The following LMNA variants were observed in gnomAD, a reference collection of about 807,000 sequenced individuals.
LMNA encodes the protein lamin A/C, also known as lamin.
LMNA carries 20 observed loss-of-function variants against 70.4 expected under a neutral mutation model. The ratio of observed to expected loss-of-function variants is 0.28; its 90% CI spans 0.20 to 0.41. The LOEUF (loss-of-function observed/expected upper bound fraction) is 0.41, where lower values mean the gene tolerates loss of function less well. Among genes scored for constraint, LMNA ranks in the 10% least tolerant of loss-of-function variants. The probability of loss-of-function intolerance (pLI) is 1.00; values close to 1 mark genes in which losing one functional copy is unlikely to be tolerated. For synonymous variants in LMNA, 339 were observed against 372.8 expected (o/e 0.91, Z 1.04); for missense variants, 652 against 917.2 (o/e 0.71, Z 3.73).
In LMNA at chr1:156,137,935, C is replaced by T; in HGVS notation, c.1698+192C>T. On this transcript the variant is annotated intron_variant, in intron 10 of 11. Transcript: ENST00000368300. This position sits in a 1 kb window ranked among gnomAD's most constrained non-coding sequence, Gnocchi z 4.6. ...ACAGGGAACCCAGGTGTCTGGGTGC[C>T]CTACTCTGGTAAGGAAGGGAGTGGG... The T allele has an allele frequency of 8.0e-7, 1 of 1,244,492 alleles. No individual in the cohort carries two copies. Among genetic ancestry groups the T allele is most frequent in the Non-Finnish European group, 1.1e-6 (1 of 914,996 alleles). 77.1% of individuals were successfully genotyped at this position (1,244,492 alleles called of 1,614,324 possible).
chr1:156,119,227 C>T (rs930310707), intron 1 of LMNA, among the ~76,000 whole-genome samples: 14 of 152,004 alleles, frequency 9.2e-5, no homozygotes, highest in Admixed American at 2.6e-4. Flanking sequence ...AAGCGATTCT[C>T]CTGCCTCAGC....
At chr1:156,126,168 C>CT (rs1650557731) in intron 1 of LMNA, 1 of 1,522,710 alleles carries the variant, frequency 6.6e-7, no homozygotes, top group African/African-American at 1.4e-5. Context: ...GGGAGACCCT[C>CT]TGCTCTTCTG....
upstream of LMNA, among the ~76,000 whole-genome samples, chr1:156,113,903 G>T (rs1649633295): frequency 6.6e-6 from 1 of 152,136 alleles, no homozygotes; most frequent in Non-Finnish European, 1.5e-5. Context: ...GGCAGTGCTT[G>T]GGTCCAAAGG....
At chr1:156,114,497 C>T (rs1649662509), upstream of LMNA, among the ~76,000 whole-genome samples, 1 of 152,182 alleles carries the variant, frequency 6.6e-6, no homozygotes, top group Admixed American at 6.5e-5. Flanking sequence ...GCTGAGCAGG[C>T]AGGAGCCAAG....
chr1:156,094,847 C>T (rs1315238503), intron 3 of LMNA, among the ~76,000 whole-genome samples: 1 of 151,994 alleles, frequency 6.6e-6, no homozygotes, highest in Non-Finnish European at 1.5e-5. Flanking sequence ...GCAACCTCCG[C>T]CTCCTGGGTT....
At chr1:156,119,331 T>C (rs1353293048) in intron 1 of LMNA, among the ~76,000 whole-genome samples, 1 of 152,210 alleles carries the variant, frequency 6.6e-6, no homozygotes, top group Admixed American at 6.5e-5. Context: ...TTGGCCAGGA[T>C]GGTCTTGATC....
At chr1:156,131,378 A>C (rs1176888060) in intron 2 of LMNA, among the ~76,000 whole-genome samples, 3 of 152,058 alleles carry the variant, frequency 2.0e-5, no homozygotes, top group African/African-American at 7.2e-5. Context: ...GCTTGAGTCC[A>C]GGAGTTTGAG....
At position 156,095,651 on chromosome 1, in the gene LMNA, C is replaced by G. The variant is rs143325246; in HGVS notation, c.-207+5069C>G. Among the ~76,000 whole-genome samples, 660 of 152,312 alleles carry G rather than the reference C, an allele frequency of 4.3e-3. 2 individuals carry two copies. Among genetic ancestry groups the G allele is most frequent in the African/African-American group, 0.015 (623 of 41,562 alleles). On this transcript the variant is annotated intron_variant, in intron 3 of 12. Transcript: ENST00000368301. ...GGATTACAGGCGTGAGCCACTGCGC[C>G]CGGTGTCCAAGACACTTCTAACGCC...
At position 156,135,437 on chromosome 1, in the gene LMNA, TC is replaced by T; in HGVS notation, c.936+129del. On this transcript the variant is annotated intron_variant, in intron 5 of 11. Transcript: ENST00000368300. The surrounding 1 kb of genome is among the most constrained non-coding windows in gnomAD (Gnocchi z 4.8). ...CTGAGGAGGAGAGGGATGAAAAGTG[TC>T]CCCACAACCACAGAGAAGGGTCGCA... The T allele has an allele frequency of 7.9e-7, 1 of 1,267,532 alleles. No homozygotes were observed. Among genetic ancestry groups the T allele is most frequent in the South Asian group, 1.3e-5 (1 of 78,368 alleles). 78.5% of individuals were successfully genotyped at this position (1,267,532 alleles called of 1,614,324 possible).
rs876657491 is a variant in LMNA, at chr1:156,115,264, C to T, written c.346C>T (p.Leu116=). 6.8e-6 allele frequency: 11 copies of T among 1,607,650 alleles called. No homozygotes were observed. The highest frequency in any genetic ancestry group is 1.7e-4 in the Middle Eastern group (1 of 6,056). ...LSKVREEFKE[L]KARNTKKEGD... ...CAAAGTGCGTGAGGAGTTTAAGGAG[C>T]TGAAAGCGCGGTGAGTTCGCCCAGG... The change falls in exon 1 of 12, where the codon CTG becomes TTG. Residue 116 remains leucine, a synonymous_variant. Transcript: ENST00000368300. The surrounding 1 kb of genome is among the most constrained non-coding windows in gnomAD (Gnocchi z 5.8).
At chr1:156,129,748 C>T in intron 1 of LMNA, 1 of 666,330 alleles carries the variant, frequency 1.5e-6, no homozygotes, top group South Asian at 1.6e-5. Flanking sequence ...AATCAGGGGC[C>T]CAGAAAAGGT....
intron 3 of LMNA, among the ~76,000 whole-genome samples, chr1:156,106,415 G>A (rs993081798): frequency 2.6e-5 from 4 of 152,208 alleles, no homozygotes; most frequent in South Asian, 2.1e-4. Flanking sequence ...GGAGGCCGGG[G>A]AGGCCCCAGC....
intron 3 of LMNA, among the ~76,000 whole-genome samples, chr1:156,106,100 ACT>A (rs1261367616): frequency 6.7e-6 from 1 of 149,358 alleles, no homozygotes; most frequent in African/African-American, 2.5e-5. Context: ...GCGCCACTAC[ACT>A]CCAGCCTGGG....
intron 2 of LMNA, among the ~76,000 whole-genome samples, chr1:156,087,266 C>T (rs963026247): frequency 6.7e-6 from 1 of 149,410 alleles, no homozygotes; most frequent in African/African-American, 2.5e-5. Flanking sequence ...TGTGGGGGGA[C>T]AGAGTCTTGC....
At chr1:156,139,018 G>T in intron 11 of LMNA, 62 bp from the exon 12 acceptor site, 2 of 1,566,158 alleles carry the variant, frequency 1.3e-6, no homozygotes, top group East Asian at 4.5e-5. Context: ...AGGGGCCAGG[G>T]GAGGGAGGGT....
intron 2 of LMNA, among the ~76,000 whole-genome samples, chr1:156,086,426 T>TCTCTC (rs1375166588): frequency 4.2e-5 from 4 of 95,884 alleles, no homozygotes; most frequent in Admixed American, 1.0e-4. Context: ...CTCTCTCTCT[T>TCTCTC]TTGTCTTTCT....
chr1:156,138,659 C>A lies in LMNA; in HGVS notation c.1870C>A (p.Arg624Ser). The change falls in exon 11 of 12, where the codon CGC becomes AGC. Residue 624 changes from arginine to serine, a missense_variant. Coordinates refer to ENST00000368300, the MANE Select transcript of LMNA (RefSeq NM_170707.4). This position sits in a 1 kb window ranked among gnomAD's most constrained non-coding sequence, Gnocchi z 5.5. ...TTCTGCCTCCAGTGTCACGGTCACT[C>A]GCAGCTACCGCAGTGTGGGGGGCAG... ...GSSASSVTVT[R>S]SYRSVGGSGG... 6.2e-7 allele frequency: 1 copy of A among 1,613,582 alleles called. No homozygotes were observed. The highest frequency in any genetic ancestry group is 8.5e-7 in the Non-Finnish European group (1 of 1,179,956).
chr1:156,096,920 C>A (rs1350294358), intron 3 of LMNA, among the ~76,000 whole-genome samples: 1 of 152,202 alleles, frequency 6.6e-6, no homozygotes, highest in Non-Finnish European at 1.5e-5. Flanking sequence ...AAGTTCCAAG[C>A]CCTGGGGCTC....
chr1:156,090,835 T>C (rs1378792686), intron 3 of LMNA, among the ~76,000 whole-genome samples: 1 of 152,164 alleles, frequency 6.6e-6, no homozygotes, highest in Non-Finnish European at 1.5e-5. Flanking sequence ...GCATGGATCT[T>C]GGGGAGCAGG....
Sources: gnomAD v4.1 joint callset for allele counts (sites outside exome capture counted in the v4.1 genomes callset) on GRCh38, gnomAD v4.1.1 for gene constraint, Gnocchi (gnomAD v3.1) non-coding constraint, MANE v1.5 for transcripts, NCBI Gene and HGNC (gene_info 2026-07-23, HGNC 2026-07-21) for gene names.